Variants in CAND2 observed in about 807,000 individuals in gnomAD.
CAND2 encodes cullin-associated NEDD8-dissociated protein 2.
A neutral mutation model predicts 98.9 loss-of-function variants in CAND2; 62 were observed. The observed-to-expected ratio is 0.63, with a 90% CI of 0.51 to 0.77. The LOEUF (loss-of-function observed/expected upper bound fraction) is 0.77. Ranked by LOEUF, CAND2 falls within the 30% of genes least tolerant of loss-of-function variation. The probability of loss-of-function intolerance (pLI) is 0.00; values close to 1 mark genes in which losing one functional copy is unlikely to be tolerated. For synonymous variants in CAND2, 770 were observed against 731.9 expected (o/e 1.05, Z -0.84); for missense variants, 1,501 against 1,655.2 (o/e 0.91, Z 1.62).
At chr3:12,806,807 C>A (rs79819343) in intron 2 of CAND2, among the ~76,000 whole-genome samples, 6 of 152,186 alleles carry the variant, frequency 3.9e-5, no homozygotes, top group Non-Finnish European at 5.9e-5. Flanking sequence ...AACAAGCTCC[C>A]GAGTGGCATT....
At position 12,817,310 on chromosome 3, in the gene CAND2, GGCC is replaced by G. The variant is rs753943174; in HGVS notation, c.2379_2381del (p.Pro794del). ...GTTTATGAGCAGGCTGTGGATGGTGGGCCTGGCCTGCACAAGCAGGTGTTCCAC... is the reference window on the plus strand; with the variant it reads ...GTTTATGAGCAGGCTGTGGATGGTGGTGGCCTGCACAAGCAGGTGTTCCAC... On this transcript the variant is annotated inframe_deletion, in exon 10 of 15. Transcript: ENST00000456430. The G allele has an allele frequency of 1.9e-6, 3 of 1,613,826 alleles. No homozygotes were observed. The African/African-American group carries it at 4.0e-5, about 22-fold the overall frequency.
chr3:12,826,973 GGCACGTGCCACCAT>G (rs1157759726), intron 12 of CAND2, among the ~76,000 whole-genome samples: 4 of 151,992 alleles, frequency 2.6e-5, no homozygotes, highest in Admixed American at 2.6e-4. Context: ...TGGGACTACA[GGCACGTGCCACCAT>G]GCCCGGCTAA....
rs936249437 is a variant in CAND2, at chr3:12,807,834, C to T, written c.367+374C>T. Among the ~76,000 whole-genome samples, 11 of 152,316 alleles carry T rather than the reference C, an allele frequency of 7.2e-5. No individual in the cohort carries two copies. In the East Asian group the frequency reaches 1.7e-3, roughly 24 times the overall value. ...CCCCTCCCTTTATAGGGAAAGCACA[C>T]GTTTTCCCAGAAACCCCCAGAGGAC... On this transcript the variant is annotated intron_variant, in intron 3 of 14. Coordinates refer to ENST00000456430, the MANE Select transcript of CAND2 (RefSeq NM_001162499.2).
chr3:12,822,481 TA>T (rs1226365166), intron 11 of CAND2, among the ~76,000 whole-genome samples: 1 of 152,010 alleles, frequency 6.6e-6, no homozygotes, highest in Non-Finnish European at 1.5e-5. Context: ...ATTTTTTTTA[TA>T]AAAACAGGGT....
intron 11 of CAND2, among the ~76,000 whole-genome samples, chr3:12,822,633 C>T (rs1049664238): frequency 6.6e-6 from 1 of 152,084 alleles, no homozygotes; most frequent in East Asian, 1.9e-4. Flanking sequence ...TTGCTTTTGG[C>T]ACGATGAGAT....
chr3:12,804,324 A>T (rs1180427882), intron 2 of CAND2, among the ~76,000 whole-genome samples: 12 of 152,016 alleles, frequency 7.9e-5, no homozygotes, highest in Non-Finnish European at 1.5e-5. Context: ...GTTGCCGGGC[A>T]TGGTGGTGCG....
chr3:12,825,121 T>TTC (rs1055962911), intron 11 of CAND2, among the ~76,000 whole-genome samples: 2 of 152,046 alleles, frequency 1.3e-5, no homozygotes, highest in Non-Finnish European at 2.9e-5. Flanking sequence ...TTTTTCTTTT[T>TTC]TTTTTTTTCA....
chr3:12,803,942 G>A (rs1223058885), intron 2 of CAND2, among the ~76,000 whole-genome samples: 4 of 152,110 alleles, frequency 2.6e-5, no homozygotes, highest in Non-Finnish European at 5.9e-5. Flanking sequence ...ACCCCATGGG[G>A]ACCTCTGGGA....
At chr3:12,823,309 G>A (rs1236393272) in intron 11 of CAND2, among the ~76,000 whole-genome samples, 1 of 152,012 alleles carries the variant, frequency 6.6e-6, no homozygotes, top group African/African-American at 2.4e-5. Flanking sequence ...CAGGGGGTGG[G>A]TATGGGTACG....
At chr3:12,807,091 G>A (rs1171947990) in intron 2 of CAND2, 1 of 482,070 alleles carries the variant, frequency 2.1e-6, no homozygotes, top group Non-Finnish European at 3.7e-6. Context: ...TTCCTGAGAC[G>A]TAAAACACAA....
At chr3:12,803,257 G>A (rs943124770) in intron 1 of CAND2, among the ~76,000 whole-genome samples, 8 of 152,326 alleles carry the variant, frequency 5.3e-5, no homozygotes, top group African/African-American at 1.9e-4. Context: ...CTCCCAAAGT[G>A]CTGGGATTAC....
intron 14 of CAND2, among the ~76,000 whole-genome samples, chr3:12,833,103 T>G (rs747527055): frequency 6.6e-6 from 1 of 152,204 alleles, no homozygotes; most frequent in Non-Finnish European, 1.5e-5. Context: ...GCAACTCCAA[T>G]GCCAAGCTGT....
At position 12,796,687 on chromosome 3, in the gene CAND2, C is replaced by T; in HGVS notation, c.-34C>T. On this transcript the variant is annotated 5_prime_UTR_variant, in exon 1 of 15. Coordinates refer to ENST00000456430, the MANE Select transcript of CAND2 (RefSeq NM_001162499.2). ...GGGGGCGCCCGCGCCGCCATATTCC[C>T]TCCCGCCGGCCGGCTCCGCGGCGCG... 1 of 1,557,012 alleles carries T rather than the reference C, an allele frequency of 6.4e-7. No homozygotes were observed. Among genetic ancestry groups the T allele is most frequent in the Non-Finnish European group, 8.7e-7 (1 of 1,150,088 alleles).
chr3:12,812,938 G>C (rs2061864831), intron 5 of CAND2, 52 bp from the exon 6 acceptor site: 1 of 1,156,792 alleles, frequency 8.6e-7, no homozygotes, highest in Non-Finnish European at 1.3e-6. Flanking sequence ...TGGGCTGGGG[G>C]AACTCCGGGA....
At chr3:12,821,227 C>T (rs1236900838) in intron 11 of CAND2, among the ~76,000 whole-genome samples, 1 of 81,520 alleles carries the variant, frequency 1.2e-5, no homozygotes, top group Non-Finnish European at 2.4e-5. Flanking sequence ...GAGCAAGACT[C>T]CGTCTCAAAA....
intron 10 of CAND2, among the ~76,000 whole-genome samples, chr3:12,818,707 G>A (rs768819122): frequency 1.3e-5 from 2 of 152,236 alleles, no homozygotes; most frequent in African/African-American, 4.8e-5. Context: ...GGTAACCTAT[G>A]TGGTACCTAC....
chr3:12,819,544 T>C (rs573813260), intron 10 of CAND2, among the ~76,000 whole-genome samples: 1 of 152,136 alleles, frequency 6.6e-6, no homozygotes, highest in East Asian at 1.9e-4. Flanking sequence ...AGCCTGGAGG[T>C]GATCCGAGTT....
intron 1 of CAND2, among the ~76,000 whole-genome samples, chr3:12,798,091 C>T (rs1268943538): frequency 2.7e-5 from 3 of 109,978 alleles, no homozygotes; most frequent in African/African-American, 1.0e-4. Flanking sequence ...GATAACAGAA[C>T]CCATCTCTGA....
intron 2 of CAND2, among the ~76,000 whole-genome samples, chr3:12,804,551 A>C (rs1194793953): frequency 6.6e-6 from 1 of 152,210 alleles, no homozygotes; most frequent in Non-Finnish European, 1.5e-5. Flanking sequence ...TGAGGCTGTG[A>C]TCCTGAGACG....
Sources: allele counts gnomAD v4.1 joint callset (sites outside exome capture counted in the v4.1 genomes callset), GRCh38; gene constraint gnomAD v4.1.1; transcripts MANE v1.5; gene names NCBI Gene and HGNC (gene_info 2026-07-23, HGNC 2026-07-21).